LOC128092252: variants seen among roughly 807,000 people sequenced by gnomAD.
At chr15:50,670,538 G>A in the LOC128092252 span, among the ~76,000 whole-genome samples, 1 of 151,982 alleles carries the variant, frequency 6.6e-6, no homozygotes, top group Non-Finnish European at 1.5e-5. Flanking sequence ...ACTCTAACCA[G>A]CACCATGACA....
the LOC128092252 span, among the ~76,000 whole-genome samples, chr15:50,680,000 A>T: frequency 6.6e-6 from 1 of 150,450 alleles, no homozygotes; most frequent in Non-Finnish European, 1.5e-5. Context: ...TTGGGGGGCC[A>T]AGGTGGGTGG....
chr15:50,686,318 A>AG, the LOC128092252 span, among the ~76,000 whole-genome samples: 1 of 152,136 alleles, frequency 6.6e-6, no homozygotes, highest in Non-Finnish European at 1.5e-5. Flanking sequence ...TCCCGCGAAG[A>AG]GGTGTCGCCT....
the LOC128092252 span, among the ~76,000 whole-genome samples, chr15:50,667,157 G>A: frequency 0.15 from 22,198 of 152,070 alleles, 2,210 homozygotes; most frequent in Admixed American, 0.28. Flanking sequence ...GGCAGTTATG[G>A]GGAAATACAC....
At chr15:50,648,984 A>T in the LOC128092252 span, 1 of 811,424 alleles carries the variant, frequency 1.2e-6, no homozygotes, top group Non-Finnish European at 1.8e-6. Flanking sequence ...AAGCTTTAAA[A>T]TTTTTATATT....
the LOC128092252 span, among the ~76,000 whole-genome samples, chr15:50,649,390 C>A: frequency 6.7e-6 from 1 of 149,736 alleles, no homozygotes; most frequent in Non-Finnish European, 1.5e-5. Flanking sequence ...GCCTTGGTCA[C>A]ACCACTGTGC....
chr15:50,671,498 T>C, the LOC128092252 span, among the ~76,000 whole-genome samples: 1 of 152,154 alleles, frequency 6.6e-6, no homozygotes, highest in Non-Finnish European at 1.5e-5. Flanking sequence ...AAGATTATAA[T>C]GGACCTGAAA....
chr15:50,680,350 G>C, the LOC128092252 span, among the ~76,000 whole-genome samples: 1 of 152,108 alleles, frequency 6.6e-6, no homozygotes, highest in East Asian at 1.9e-4. Context: ...AGGCCAGCCT[G>C]AGCAACATGC....
the LOC128092252 span, among the ~76,000 whole-genome samples, chr15:50,676,289 CAT>C: frequency 3.3e-5 from 5 of 152,072 alleles, no homozygotes; most frequent in Admixed American, 6.6e-5. Context: ...GTTAAGGTAA[CAT>C]GTGGAAATCA....
At chr15:50,664,191 C>T in the LOC128092252 span, among the ~76,000 whole-genome samples, 1 of 150,024 alleles carries the variant, frequency 6.7e-6, no homozygotes, top group South Asian at 2.1e-4. Context: ...CCAGCTACTC[C>T]GGAGGCTGAG....
chr15:50,678,246 A>C, the LOC128092252 span, among the ~76,000 whole-genome samples: 207 of 142,544 alleles, frequency 1.5e-3, 5 homozygotes, highest in East Asian at 5.1e-3. Flanking sequence ...TCTCAAAAAA[A>C]AAAAACAAAA....
the LOC128092252 span, among the ~76,000 whole-genome samples, chr15:50,684,258 T>A: frequency 6.6e-6 from 1 of 151,238 alleles, no homozygotes; most frequent in Admixed American, 6.6e-5. Flanking sequence ...GTTCAAGCGA[T>A]TCTCCTGCCT....
At chr15:50,681,055 A>G in the LOC128092252 span, among the ~76,000 whole-genome samples, 1 of 152,146 alleles carries the variant, frequency 6.6e-6, no homozygotes. Flanking sequence ...GTTCGAGACC[A>G]GCCTGACCAA....
At chr15:50,680,220 C>G in the LOC128092252 span, among the ~76,000 whole-genome samples, 2 of 150,498 alleles carry the variant, frequency 1.3e-5, no homozygotes, top group Non-Finnish European at 3.0e-5. Flanking sequence ...GGTGACAGAG[C>G]AAGACTCCAT....
chr15:50,673,773 T>G, the LOC128092252 span, among the ~76,000 whole-genome samples: 5 of 152,176 alleles, frequency 3.3e-5, no homozygotes, highest in Non-Finnish European at 7.3e-5. Flanking sequence ...TAATGACTTA[T>G]TTTCCTCTGG....
the LOC128092252 span, among the ~76,000 whole-genome samples, chr15:50,668,590 C>T: frequency 5.3e-5 from 8 of 152,222 alleles, no homozygotes; most frequent in South Asian, 2.1e-4. Context: ...TTACTGCTAA[C>T]TCTGCCTCCG....
chr15:50,663,353 C>T, the LOC128092252 span, among the ~76,000 whole-genome samples: 23 of 152,212 alleles, frequency 1.5e-4, no homozygotes, highest in Middle Eastern at 0.01. Context: ...TGGTAACGCC[C>T]GACCTCAGGT....
the LOC128092252 span, among the ~76,000 whole-genome samples, chr15:50,661,216 C>T: frequency 1.3e-5 from 2 of 151,974 alleles, no homozygotes; most frequent in Non-Finnish European, 2.9e-5. Context: ...ACCTCGTGAT[C>T]CGCCCACCTC....
At chr15:50,658,707 AC>A in the LOC128092252 span, among the ~76,000 whole-genome samples, 1 of 152,252 alleles carries the variant, frequency 6.6e-6, no homozygotes, top group African/African-American at 2.4e-5. Flanking sequence ...GTTGACTCTC[AC>A]ACACTAATTC....
the LOC128092252 span, among the ~76,000 whole-genome samples, chr15:50,669,295 C>T: frequency 8.0e-4 from 121 of 152,062 alleles, no homozygotes; most frequent in African/African-American, 2.6e-3. Flanking sequence ...ATTAGCCAGG[C>T]GTGGTGGTGT....
Sources: allele counts gnomAD v4.1 joint callset (sites outside exome capture counted in the v4.1 genomes callset), GRCh38; gene constraint gnomAD v4.1.1; transcripts MANE v1.5.